The following GDPD5 variants were observed in gnomAD, a reference collection of about 807,000 sequenced individuals.
The protein encoded by GDPD5 is glycerophosphodiester phosphodiesterase 2.
A neutral mutation model predicts 75.1 loss-of-function variants in GDPD5; 48 were observed. The ratio of observed to expected loss-of-function variants is 0.64; its 90% CI spans 0.51 to 0.81. The LOEUF (loss-of-function observed/expected upper bound fraction) is 0.81, where lower values mean the gene tolerates loss of function less well. Ranked by LOEUF, GDPD5 falls within the 40% of genes least tolerant of loss-of-function variation. The pLI is 0.00. For missense variants in GDPD5, 706 were observed against 822.6 expected, an observed-to-expected ratio of 0.86 and a Z score of 1.73; for synonymous variants, 336 against 339.0, an observed-to-expected ratio of 0.99 and a Z score of 0.10.
intron 2 of GDPD5, among the ~76,000 whole-genome samples, chr11:75,478,294 T>C (rs745615969): frequency 3.3e-5 from 5 of 152,150 alleles, no homozygotes; most frequent in Non-Finnish European, 7.4e-5. Context: ...GGATTACAGG[T>C]GCCCACCACA....
chr11:75,493,264 A>AC (rs1950145466), intron 1 of GDPD5, among the ~76,000 whole-genome samples: 4 of 81,170 alleles, frequency 4.9e-5, no homozygotes, highest in African/African-American at 1.2e-4. Flanking sequence ...CACACACACA[A>AC]ATAAATTCAT....
At chr11:75,449,726 G>A (rs1203838145) in intron 7 of GDPD5, 116 bp from the exon 8 acceptor site, 1 of 1,275,028 alleles carries the variant, frequency 7.8e-7, no homozygotes, top group Non-Finnish European at 1.1e-6. Context: ...TCTGCCAACT[G>A]GGGACACTGG....
At chr11:75,499,868 A>G (rs562935955) in intron 1 of GDPD5, among the ~76,000 whole-genome samples, 1 of 152,226 alleles carries the variant, frequency 6.6e-6, no homozygotes, top group South Asian at 2.1e-4. Context: ...CCAGAGGCCA[A>G]CCCCGCCCAG....
intron 14 of GDPD5, among the ~76,000 whole-genome samples, 157 bp downstream of exon 14, chr11:75,441,006 A>C (rs1448421080): frequency 1.3e-5 from 2 of 152,118 alleles, no homozygotes; most frequent in African/African-American, 2.4e-5. Flanking sequence ...GATGCCATGA[A>C]ACCCTCATGC....
intron 1 of GDPD5, among the ~76,000 whole-genome samples, chr11:75,508,566 A>AG (rs1018299788): frequency 6.6e-6 from 1 of 152,010 alleles, no homozygotes; most frequent in Non-Finnish European, 1.5e-5. Context: ...TTTTTAAGAC[A>AG]GGGGGAGAGT....
rs1051999588 is a variant in GDPD5 at position 75,456,928 on chromosome 11, G to A, written c.316-112C>T. ...GCTCTGGGCCTGACCCTGGGCAGAG[G>A]CAGCGAACCTCCCTCCAGGCGATGG... is the stretch of plus-strand genomic sequence containing the variant. On this transcript the variant is annotated intron_variant, in intron 5 of 16. Transcript: ENST00000336898. The A allele has an allele frequency of 1.9e-5, 19 of 1,016,238 alleles. No homozygotes were observed. In the African/African-American group the frequency reaches 2.8e-4, roughly 15 times the overall value. The allele number at this position is 1,016,238 out of a possible 1,614,324, so 63.0% of individuals were successfully genotyped here. A position where few individuals can be genotyped will look rare whatever the true frequency, so the allele number is the denominator to read the frequency against.
At chr11:75,486,598 C>T (rs1043582317) in intron 2 of GDPD5, among the ~76,000 whole-genome samples, 3 of 152,160 alleles carry the variant, frequency 2.0e-5, no homozygotes, top group Non-Finnish European at 2.9e-5. Context: ...TCCTTCCTCA[C>T]CACTTCATCC....
intron 1 of GDPD5, among the ~76,000 whole-genome samples, chr11:75,496,132 TCTTGTTACA>T (rs1950204679): frequency 6.6e-6 from 1 of 152,176 alleles, no homozygotes; most frequent in African/African-American, 2.4e-5. Context: ...CAACCCCAGT[TCTTGTTACA>T]CTATCCCCCT....
At chr11:75,436,255 T>G (rs1002757516) in intron 16 of GDPD5, among the ~76,000 whole-genome samples, 1 of 152,152 alleles carries the variant, frequency 6.6e-6, no homozygotes, top group East Asian at 1.9e-4. Context: ...TTCGGCCATA[T>G]AGAGGGACAC....
intron 13 of GDPD5, 147 bp downstream of exon 13, chr11:75,441,499 C>G (rs1182284689): frequency 2.7e-6 from 3 of 1,114,180 alleles, no homozygotes; most frequent in South Asian, 1.5e-5. Context: ...TGTCTTTGAA[C>G]CATGTGTGCC....
chr11:75,449,413 C>G, intron 8 of GDPD5, 104 bp downstream of exon 8: 1 of 1,216,830 alleles, frequency 8.2e-7, no homozygotes, highest in Non-Finnish European at 1.2e-6. Flanking sequence ...GGGGCCCCAC[C>G]CCATCCCCAG....
chr11:75,442,673 G>T, intron 11 of GDPD5, 92 bp from the exon 12 acceptor site: 1 of 1,130,210 alleles, frequency 8.8e-7, no homozygotes, highest in Non-Finnish European at 1.3e-6. Flanking sequence ...GAGACCCCTG[G>T]GCTGCCAGAG....
intron 2 of GDPD5, among the ~76,000 whole-genome samples, chr11:75,489,779 G>A (rs669601): frequency 0.69 from 103,554 of 149,550 alleles, 36,283 homozygotes; most frequent in East Asian, 0.95. Flanking sequence ...TCACTCTGTC[G>A]CCCAGGCTGG....
intron 11 of GDPD5, 88 bp from the exon 12 acceptor site, chr11:75,442,669 C>T (rs1316752930): frequency 8.4e-7 from 1 of 1,186,618 alleles, no homozygotes; most frequent in Non-Finnish European, 1.2e-6. Flanking sequence ...CGTGGAGACC[C>T]CTGGGCTGCC....
At chr11:75,495,364 C>T (rs961942875) in intron 1 of GDPD5, among the ~76,000 whole-genome samples, 2 of 151,326 alleles carry the variant, frequency 1.3e-5, no homozygotes, top group African/African-American at 4.9e-5. Flanking sequence ...ACTCAGGAGG[C>T]TGAGGAAGGA....
intron 8 of GDPD5, 38 bp downstream of exon 8, chr11:75,449,479 A>T (rs751107495): frequency 1.3e-6 from 2 of 1,521,278 alleles, no homozygotes; most frequent in East Asian, 4.9e-5. Flanking sequence ...TGGCACCTGC[A>T]GGGATTGGAG....
intron 4 of GDPD5, among the ~76,000 whole-genome samples, chr11:75,459,334 AT>A (rs34572465): frequency 0.12 from 17,461 of 139,828 alleles, 1,108 homozygotes; most frequent in African/African-American, 0.22. Context: ...AAGAGAATGA[AT>A]TTTTTTTTTT....
At chr11:75,456,338 G>T (rs1623440) in intron 6 of GDPD5, among the ~76,000 whole-genome samples, 81,208 of 151,916 alleles carry the variant, frequency 0.53, 23,537 homozygotes, top group East Asian at 0.79. Flanking sequence ...GTTTTCAAAA[G>T]AGCTCACCAA....
At chr11:75,439,153 G>GGCAGT (rs1948714187) in intron 15 of GDPD5, among the ~76,000 whole-genome samples, 1 of 152,214 alleles carries the variant, frequency 6.6e-6, no homozygotes, top group Non-Finnish European at 1.5e-5. Flanking sequence ...GGACACACAC[G>GGCAGT]GCAGTGGGAC....
Sources: allele counts gnomAD v4.1 joint callset (sites outside exome capture counted in the v4.1 genomes callset), GRCh38; gene constraint gnomAD v4.1.1; transcripts MANE v1.5; gene names NCBI Gene and HGNC (gene_info 2026-07-23, HGNC 2026-07-21).